The following RANBP2 variants were observed in gnomAD, a reference collection of about 807,000 sequenced individuals.
The protein encoded by RANBP2 is RAN binding protein 2, also known as E3 SUMO-protein ligase RanBP2.
A neutral mutation model predicts 303.6 loss-of-function variants in RANBP2; 57 were observed. That is an observed-to-expected ratio of 0.19 (90% CI 0.15 to 0.23). RANBP2 has a LOEUF of 0.23. Ranked by LOEUF, RANBP2 falls within the 10% of genes least tolerant of loss-of-function variation. The pLI is 1.00. For synonymous variants in RANBP2, 1,167 were observed against 1,301.5 expected (o/e 0.90, Z 2.23); for missense variants, 3,138 against 3,780.8 (o/e 0.83, Z 4.46).
the RANBP2 span, among the ~76,000 whole-genome samples, chr2:109,241,976 C>G: frequency 1.3e-5 from 2 of 151,970 alleles, no homozygotes; most frequent in African/African-American, 4.8e-5. Flanking sequence ...TGGTGGTTTT[C>G]TTGGCCTGAC....
chr2:109,025,624 G>A, the RANBP2 span, among the ~76,000 whole-genome samples: 5 of 152,070 alleles, frequency 3.3e-5, no homozygotes, highest in East Asian at 3.9e-4. Context: ...TGGCTAACAC[G>A]GTGAAACCCC....
At chr2:109,509,443 G>C in the RANBP2 span, among the ~76,000 whole-genome samples, 1 of 152,254 alleles carries the variant, frequency 6.6e-6, no homozygotes, top group East Asian at 1.9e-4. Flanking sequence ...GGTTTCCTCT[G>C]AGACCTCTCT....
chr2:109,097,546 AT>A, the RANBP2 span, among the ~76,000 whole-genome samples: 1 of 151,690 alleles, frequency 6.6e-6, no homozygotes, highest in African/African-American at 2.4e-5. Context: ...TCTGAAATTT[AT>A]TTTGTGTATA....
chr2:109,562,169 T>G, the RANBP2 span, among the ~76,000 whole-genome samples: 394 of 152,116 alleles, frequency 2.6e-3, no homozygotes, highest in African/African-American at 8.2e-3. Flanking sequence ...GCAGAGATCA[T>G]GCCACTGAAC....
the RANBP2 span, among the ~76,000 whole-genome samples, chr2:109,271,924 C>T: frequency 1.3e-5 from 2 of 152,240 alleles, no homozygotes; most frequent in African/African-American, 2.4e-5. Flanking sequence ...ACACTCACAG[C>T]CCTGGATCCT....
the RANBP2 span, among the ~76,000 whole-genome samples, chr2:109,230,880 T>C: frequency 6.6e-6 from 1 of 152,170 alleles, no homozygotes; most frequent in Non-Finnish European, 1.5e-5. Flanking sequence ...AGGACTCCCT[T>C]TGGGGGCTTT....
chr2:109,052,143 G>C, the RANBP2 span, among the ~76,000 whole-genome samples: 2 of 152,174 alleles, frequency 1.3e-5, no homozygotes, highest in Admixed American at 1.3e-4. Context: ...ATGAAAGAAG[G>C]CATGTATATC....
At chr2:108,891,115 A>T in the RANBP2 span, among the ~76,000 whole-genome samples, 1 of 152,098 alleles carries the variant, frequency 6.6e-6, no homozygotes, top group Non-Finnish European at 1.5e-5. Context: ...CTTGTATATC[A>T]CTGAGCTCCT....
the RANBP2 span, among the ~76,000 whole-genome samples, chr2:109,144,953 C>T: frequency 1.2e-3 from 182 of 152,346 alleles, no homozygotes; most frequent in Non-Finnish European, 2.1e-3. Flanking sequence ...CGTTCAGTGC[C>T]GATCTCAGGG....
the RANBP2 span, among the ~76,000 whole-genome samples, chr2:109,309,997 G>A: frequency 1.6e-5 from 2 of 125,670 alleles, no homozygotes; most frequent in Admixed American, 7.9e-5. Flanking sequence ...GGACCTAATA[G>A]ACATCTACAG....
At chr2:108,745,745 A>G (rs1303723919) in intron 7 of RANBP2, among the ~76,000 whole-genome samples, 4 of 151,972 alleles carry the variant, frequency 2.6e-5, no homozygotes, top group Non-Finnish European at 4.4e-5. Flanking sequence ...TGTACTTTTT[A>G]AAGTAGGGTG....
the RANBP2 span, among the ~76,000 whole-genome samples, chr2:109,653,630 G>A: frequency 6.6e-6 from 1 of 152,174 alleles, no homozygotes; most frequent in Non-Finnish European, 1.5e-5. Context: ...CCTTTGTAAA[G>A]GGTGTCTCTG....
At chr2:109,489,996 C>T in the RANBP2 span, among the ~76,000 whole-genome samples, 1 of 152,190 alleles carries the variant, frequency 6.6e-6, no homozygotes, top group Non-Finnish European at 1.5e-5. Flanking sequence ...CCTTGGCCTC[C>T]CAAATTGCTG....
the RANBP2 span, among the ~76,000 whole-genome samples, chr2:109,037,216 C>T: frequency 2.7e-5 from 4 of 149,110 alleles, no homozygotes; most frequent in South Asian, 4.3e-4. Flanking sequence ...CCCAGCTACT[C>T]GGGAGGCTGA....
At chr2:109,592,928 C>T in the RANBP2 span, 5 of 501,246 alleles carry the variant, frequency 1.0e-5, no homozygotes, top group South Asian at 8.1e-5. Context: ...AATTAATTCA[C>T]GTTGGAGGTA....
the RANBP2 span, among the ~76,000 whole-genome samples, chr2:109,392,363 G>C: frequency 6.6e-6 from 1 of 152,290 alleles, no homozygotes; most frequent in Admixed American, 6.5e-5. Flanking sequence ...ACTTGGAACA[G>C]GTCACTTAAC....
At chr2:109,429,458 AT>A in the RANBP2 span, among the ~76,000 whole-genome samples, 1 of 152,168 alleles carries the variant, frequency 6.6e-6, no homozygotes, top group Non-Finnish European at 1.5e-5. Flanking sequence ...CGAACTTAAA[AT>A]TTAAGATGAA....
intron 23 of RANBP2, among the ~76,000 whole-genome samples, chr2:108,773,406 G>A (rs563221305): frequency 6.6e-6 from 1 of 152,234 alleles, no homozygotes; most frequent in South Asian, 2.1e-4. Context: ...ATGGGTTGTG[G>A]CTACTAAATG....
At chr2:109,606,527 A>G in the RANBP2 span, among the ~76,000 whole-genome samples, 23 of 152,232 alleles carry the variant, frequency 1.5e-4, no homozygotes, top group Non-Finnish European at 2.8e-4. Context: ...AGTTATAGCC[A>G]TAAAGGACAA....
Sources: allele counts gnomAD v4.1 joint callset (sites outside exome capture counted in the v4.1 genomes callset), GRCh38; gene constraint gnomAD v4.1.1; transcripts MANE v1.5; gene names NCBI Gene and HGNC (gene_info 2026-07-23, HGNC 2026-07-21).